MDM2: variants seen among roughly 807,000 people sequenced by gnomAD.
The protein encoded by MDM2 is E3 ubiquitin-protein ligase Mdm2.
A neutral mutation model predicts 64.3 loss-of-function variants in MDM2; 11 were observed. The ratio of observed to expected loss-of-function variants is 0.17; its 90% CI spans 0.11 to 0.28. The LOEUF (loss-of-function observed/expected upper bound fraction) is 0.28, where lower values mean the gene tolerates loss of function less well. Ranked by LOEUF, MDM2 falls within the 10% of genes least tolerant of loss-of-function variation. MDM2 has a pLI of 1.00. For missense variants in MDM2, 388 were observed against 577.1 expected (o/e 0.67, Z 3.36); for synonymous variants, 194 against 192.9 (o/e 1.01, Z -0.05).
rs1478103540 is a variant in MDM2 at position 68,826,522 on chromosome 12, G to A, written c.523+1871G>A. 6.6e-5 allele frequency among the ~76,000 whole-genome samples: 10 copies of A among 151,524 alleles called. No individual in the cohort carries two copies. In the South Asian group the frequency reaches 1.2e-3, roughly 19 times the overall value. On this transcript the variant is annotated intron_variant, in intron 7 of 10. Transcript: ENST00000258149. ...AAATTAGCCAGGTGTGGTGGCAGGCGCCTGTAATCCCAGCTACTTGGGAGG... is the reference window on the plus strand; with the variant it reads ...AAATTAGCCAGGTGTGGTGGCAGGCACCTGTAATCCCAGCTACTTGGGAGG...
chr12:68,810,929 G>C (rs1343435659), intron 2 of MDM2, among the ~76,000 whole-genome samples: 4 of 151,934 alleles, frequency 2.6e-5, no homozygotes, highest in Non-Finnish European at 5.9e-5. Flanking sequence ...GCAATGGCGA[G>C]ATCTTGTCTC....
In MDM2 at chr12:68,839,988, T is replaced by A; in HGVS notation, c.*139T>A. The A allele has an allele frequency of 2.6e-6, 2 of 767,140 alleles. No individual in the cohort carries two copies. The highest frequency in any genetic ancestry group is 2.0e-6 in the Non-Finnish European group (1 of 494,112). The allele number at this position is 767,140 out of a possible 1,614,324, so 47.5% of individuals were successfully genotyped here. A position where few individuals can be genotyped will look rare whatever the true frequency, so the allele number is the denominator to read the frequency against. On this transcript the variant is annotated 3_prime_UTR_variant, in exon 11 of 11. Transcript: ENST00000258149. Reference sequence around the variant, plus strand: ...TTTCTTCTCTTTAGTATAATTGACCTACTTTGGTAGTGGAATAGTGAATAC... The same window carrying A: ...TTTCTTCTCTTTAGTATAATTGACCAACTTTGGTAGTGGAATAGTGAATAC...
At chr12:68,821,897 A>T (rs1387951632) in intron 5 of MDM2, among the ~76,000 whole-genome samples, 1 of 151,372 alleles carries the variant, frequency 6.6e-6, no homozygotes, top group Non-Finnish European at 1.5e-5. Context: ...TCACTCTGTC[A>T]CCCTGCTTGA....
intron 4 of MDM2, among the ~76,000 whole-genome samples, chr12:68,818,981 C>G (rs1427239923): frequency 6.6e-6 from 1 of 152,102 alleles, no homozygotes; most frequent in Non-Finnish European, 1.5e-5. Context: ...ATCTGCCTGT[C>G]TTGGCCTCCC....
rs1401842749 is a variant in MDM2, at chr12:68,830,292, A to G, written c.684+1361A>G. ...TGATAGTAATCCTAGTCTTTTACCT[A>G]TTCTTGTTACTTCCTGTATTATCTT... On this transcript the variant is annotated intron_variant, in intron 8 of 10. Coordinates refer to ENST00000258149, the MANE Select transcript of MDM2 (RefSeq NM_002392.6). Among the ~76,000 whole-genome samples, 3 of 152,132 alleles carry G rather than the reference A, an allele frequency of 2.0e-5. No individual in the cohort carries two copies. The East Asian group carries it at 5.8e-4, about 29-fold the overall frequency.
chr12:68,817,097 A>G, intron 4 of MDM2, 152 bp downstream of exon 4: 1 of 788,812 alleles, frequency 1.3e-6, no homozygotes, highest in East Asian at 3.1e-5. Context: ...ATATTATTTG[A>G]GAACCTGAGC....
intron 2 of MDM2, among the ~76,000 whole-genome samples, chr12:68,812,733 G>C (rs188358398): frequency 6.6e-6 from 1 of 152,194 alleles, no homozygotes; most frequent in East Asian, 1.9e-4. Flanking sequence ...ATAGGCAAGA[G>C]CCACCTCTCC....
chr12:68,816,977 C>G (rs1881436268), intron 4 of MDM2, 32 bp downstream of exon 4: 1 of 1,602,784 alleles, frequency 6.2e-7, no homozygotes, highest in South Asian at 1.1e-5. Flanking sequence ...TTGTAAAAAG[C>G]CATCTGGGCT....
At chr12:68,826,112 T>C (rs1882296634) in intron 7 of MDM2, among the ~76,000 whole-genome samples, 1 of 152,118 alleles carries the variant, frequency 6.6e-6, no homozygotes. Flanking sequence ...TTCACAAAAA[T>C]TTCTCACAGT....
intron 10 of MDM2, 52 bp downstream of exon 10, chr12:68,836,801 T>C (rs1369996384): frequency 1.8e-6 from 2 of 1,119,610 alleles, no homozygotes; most frequent in Non-Finnish European, 2.7e-6. Context: ...AAGGTCAAGA[T>C]TAGGAGACTA....
rs1189097377 is a variant in MDM2 at position 68,843,208 on chromosome 12, A to C, written c.*3359A>C. ...ATGGGTACAGAGTTAAATTTGAAGG[A>C]ATAAGTTCTAGCTGAAGTATTATGA... On this transcript the variant is annotated 3_prime_UTR_variant, in exon 11 of 11. Transcript: ENST00000258149. 8.9e-6 allele frequency: 2 copies of C among 224,532 alleles called. No homozygotes were observed. The highest frequency in any genetic ancestry group is 1.1e-4 in the Admixed American group (2 of 17,458). 13.9% of individuals were successfully genotyped at this position (224,532 alleles called of 1,614,324 possible). A position where few individuals can be genotyped will look rare whatever the true frequency, so the allele number is the denominator to read the frequency against.
chr12:68,813,681 T>C, intron 3 of MDM2, 53 bp downstream of exon 3: 1 of 1,353,750 alleles, frequency 7.4e-7, no homozygotes, highest in East Asian at 2.3e-5. Context: ...GTAGCCATAC[T>C]TAAAGTTTTC....
In MDM2 at chr12:68,828,998, A is replaced by G; in HGVS notation, c.684+67A>G. 4.1e-6 allele frequency: 6 copies of G among 1,460,216 alleles called. No homozygotes were observed. In the South Asian group the frequency reaches 6.0e-5, roughly 15 times the overall value. 90.5% of individuals were successfully genotyped at this position (1,460,216 alleles called of 1,614,324 possible). On this transcript the variant is annotated intron_variant, in intron 8 of 10. Coordinates refer to ENST00000258149, the MANE Select transcript of MDM2 (RefSeq NM_002392.6). ...AAAGTCTAGTCCTGGCAGTCCTAAT[A>G]AGGATACGGATAGAATGTACATGTG...
chr12:68,821,044 C>CTTTTTTTTTTTTTTTTTTTTTTTTTTTTT (rs36054804), intron 5 of MDM2, among the ~76,000 whole-genome samples: 1 of 103,820 alleles, frequency 9.6e-6, no homozygotes. Context: ...ACACAGTTTG[C>CTTTTTTTTTTTTTTTTTTTTTTTTTTTTT]TTTTTTTTTT....
chr12:68,808,698 G>A (rs1880583221), intron 1 of MDM2, among the ~76,000 whole-genome samples: 1 of 151,838 alleles, frequency 6.6e-6, no homozygotes, highest in African/African-American at 2.4e-5. Context: ...GAGGAGGGCG[G>A]GATTTCGGAC....
At chr12:68,820,429 T>G (rs1427191764) in intron 5 of MDM2, 55 bp downstream of exon 5, 4 of 1,369,952 alleles carry the variant, frequency 2.9e-6, no homozygotes, top group Admixed American at 4.0e-5. Context: ...TTAAAGACAT[T>G]TTTGTTTATG....
At position 68,844,395 on chromosome 12, in the gene MDM2, G is replaced by A. The variant is rs1484564049; in HGVS notation, c.*4546G>A. On this transcript the variant is annotated 3_prime_UTR_variant, in exon 11 of 11. Transcript: ENST00000258149. ...GAGAGCAACTTGAGAGAATGATGTT[G>A]CAAGTTAGTAGGAGTAAGAAATGCT... The A allele has an allele frequency of 4.4e-6, 1 of 226,472 alleles. No homozygotes were observed. Among genetic ancestry groups the A allele is most frequent in the Non-Finnish European group, 8.8e-6 (1 of 113,922 alleles). The allele number at this position is 226,472 out of a possible 1,614,324, so 14.0% of individuals were successfully genotyped here. A position where few individuals can be genotyped will look rare whatever the true frequency, so the allele number is the denominator to read the frequency against.
rs775699841 is a variant in MDM2 at position 68,839,659 on chromosome 12, G to A, written c.1304G>A (p.Ser435Asn). The A allele has an allele frequency of 6.2e-7, 1 of 1,613,776 alleles. No individual in the cohort carries two copies. Among genetic ancestry groups the A allele is most frequent in the Admixed American group, 1.7e-5 (1 of 59,906 alleles). Residue 435 changes from serine (S) to asparagine (N), a missense_variant, in exon 11 of 11, where the codon AGT (serine) becomes AAT (asparagine). Around this residue, in one of 5 missense-constraint regions of MDM2, gnomAD observed 138 missense variants for 143.7 expected, o/e 0.96. Coordinates refer to ENST00000258149, the MANE Select transcript of MDM2 (RefSeq NM_002392.6). Reference sequence around the variant, plus strand: ...GACAAAGAAGAGAGTGTGGAATCTAGTTTGCCCCTTAATGCCATTGAACCT... The same window carrying A: ...GACAAAGAAGAGAGTGTGGAATCTAATTTGCCCCTTAATGCCATTGAACCT... ...TQDKEESVES[S>N]LPLNAIEPCV...
At chr12:68,821,215 T>G (rs760118560) in intron 5 of MDM2, among the ~76,000 whole-genome samples, 2 of 151,918 alleles carry the variant, frequency 1.3e-5, no homozygotes, top group Non-Finnish European at 2.9e-5. Context: ...GCCCGGCTAA[T>G]TTTTGTATTT....
Sources: gnomAD v4.1 joint callset for allele counts (sites outside exome capture counted in the v4.1 genomes callset) on GRCh38, gnomAD v4.1.1 for gene constraint, gnomAD v4.1.1 regional missense constraint, MANE v1.5 for transcripts, NCBI Gene and HGNC (gene_info 2026-07-23, HGNC 2026-07-21) for gene names.